The following PLPP4 variants were observed in gnomAD, a reference collection of about 807,000 sequenced individuals.
The protein encoded by PLPP4 is phospholipid phosphatase 4.
PLPP4 carries 20 observed loss-of-function variants against 32.2 expected under a neutral mutation model. The observed-to-expected ratio is 0.62, with a 90% CI of 0.44 to 0.90. PLPP4 has a LOEUF of 0.90. Among genes scored for constraint, PLPP4 ranks in the 40% least tolerant of loss-of-function variants. The pLI is 0.00. For missense variants in PLPP4, 257 were observed against 353.1 expected, an observed-to-expected ratio of 0.73 and a Z score of 2.18; for synonymous variants, 127 against 133.0, an observed-to-expected ratio of 0.95 and a Z score of 0.31.
At chr10:120,573,486 G>T (rs1849038336) in intron 5 of PLPP4, among the ~76,000 whole-genome samples, 1 of 152,028 alleles carries the variant, frequency 6.6e-6, no homozygotes, top group Admixed American at 6.5e-5. Context: ...ACAGTTTAGG[G>T]TCCTACTTGT....
intron 1 of PLPP4, among the ~76,000 whole-genome samples, chr10:120,476,791 C>A (rs1341854026): frequency 1.3e-5 from 2 of 152,176 alleles, no homozygotes; most frequent in African/African-American, 4.8e-5. Flanking sequence ...GGATGGGGTT[C>A]TCAGGGCACA....
At chr10:120,532,623 A>T (rs925599362) in intron 5 of PLPP4, among the ~76,000 whole-genome samples, 2 of 151,628 alleles carry the variant, frequency 1.3e-5, no homozygotes, top group Admixed American at 6.6e-5. Flanking sequence ...CTCTCCCTCC[A>T]CCTCTCCCCA....
chr10:120,517,258 C>A (rs1038197641), intron 3 of PLPP4, among the ~76,000 whole-genome samples: 1 of 152,190 alleles, frequency 6.6e-6, no homozygotes, highest in African/African-American at 2.4e-5. Context: ...GCGTGGCAGG[C>A]CAGCCCTAAC....
intron 1 of PLPP4, among the ~76,000 whole-genome samples, chr10:120,494,970 A>T (rs1411549192): frequency 1.1e-4 from 17 of 152,166 alleles, no homozygotes; most frequent in Non-Finnish European, 1.5e-5. Flanking sequence ...TGCAGATGCC[A>T]TTGAGCTGGT....
chr10:120,510,828 G>A (rs181876168), intron 2 of PLPP4, among the ~76,000 whole-genome samples: 67 of 152,290 alleles, frequency 4.4e-4, no homozygotes, highest in Admixed American at 2.0e-3. Flanking sequence ...CCTGATTCAC[G>A]GACTGTGCTG....
chr10:120,505,388 C>T (rs949637548), intron 2 of PLPP4, among the ~76,000 whole-genome samples: 19 of 152,188 alleles, frequency 1.2e-4, no homozygotes, highest in Non-Finnish European at 1.9e-4. Flanking sequence ...TGTTATGGAA[C>T]GATAATGTCA....
chr10:120,533,339 C>A (rs1378522709), intron 5 of PLPP4, among the ~76,000 whole-genome samples: 1 of 152,094 alleles, frequency 6.6e-6, no homozygotes, highest in African/African-American at 2.4e-5. Context: ...TATGCAAATC[C>A]TTTGCCCATT....
intron 5 of PLPP4, among the ~76,000 whole-genome samples, chr10:120,571,186 T>A (rs1217332233): frequency 2.0e-5 from 3 of 150,632 alleles, no homozygotes; most frequent in Non-Finnish European, 3.0e-5. Flanking sequence ...CCAGGACAAG[T>A]AGACTCTGAA....
intron 5 of PLPP4, among the ~76,000 whole-genome samples, chr10:120,550,872 A>T (rs1428876876): frequency 6.6e-6 from 1 of 152,080 alleles, no homozygotes; most frequent in African/African-American, 2.4e-5. Context: ...AACAGCACCA[A>T]TAATAGAAAA....
At chr10:120,513,177 C>T (rs565802394) in intron 2 of PLPP4, among the ~76,000 whole-genome samples, 40 of 152,208 alleles carry the variant, frequency 2.6e-4, no homozygotes, top group Non-Finnish European at 4.9e-4. Flanking sequence ...CCTAGCCTCG[C>T]CCCTCTCCAG....
At chr10:120,574,129 T>TACACACACACAC (rs751622346) in intron 5 of PLPP4, among the ~76,000 whole-genome samples, 31 of 56,990 alleles carry the variant, frequency 5.4e-4, no homozygotes, top group African/African-American at 1.3e-3. Flanking sequence ...ATCTGGGGAG[T>TACACACACACAC]ACACACACAC....
chr10:120,544,465 C>G (rs938828560), intron 5 of PLPP4, among the ~76,000 whole-genome samples: 2 of 152,158 alleles, frequency 1.3e-5, no homozygotes, highest in African/African-American at 4.8e-5. Flanking sequence ...GCCCTTCCTG[C>G]CCCGCAACAC....
chr10:120,538,007 TCTCTC>T (rs1847119326), intron 5 of PLPP4, among the ~76,000 whole-genome samples: 5 of 11,626 alleles, frequency 4.3e-4, no homozygotes, highest in African/African-American at 1.2e-3. Flanking sequence ...TCTCTCTCTC[TCTCTC>T]TCTCTCTCTC....
At chr10:120,540,390 T>A (rs1847281540) in intron 5 of PLPP4, among the ~76,000 whole-genome samples, 1 of 152,226 alleles carries the variant, frequency 6.6e-6, no homozygotes, top group African/African-American at 2.4e-5. Flanking sequence ...TCTCATTTAT[T>A]TAGTCACTTA....
chr10:120,581,798 A>G (rs1475816190), intron 6 of PLPP4, among the ~76,000 whole-genome samples: 2 of 151,928 alleles, frequency 1.3e-5, no homozygotes, highest in East Asian at 1.9e-4. Context: ...CCTTCCCCAC[A>G]TGCCATGTCC....
At position 120,590,255 on chromosome 10, in the gene PLPP4, C is replaced by T. The variant is rs1194797902; in HGVS notation, c.*753C>T. Among the ~76,000 whole-genome samples the T allele has an allele frequency of 6.6e-6, 1 of 152,202 alleles. No homozygotes were observed. The highest frequency in any genetic ancestry group is 1.5e-5 in the Non-Finnish European group (1 of 68,036). On this transcript the variant is annotated 3_prime_UTR_variant, in exon 7 of 7. Transcript: ENST00000398250. Reference sequence around the variant, plus strand: ...GCCACTTCTGTAGCTCTGCCTCATACAGTGAATTTTTGGGGCACGGGGGCT... The same window carrying T: ...GCCACTTCTGTAGCTCTGCCTCATATAGTGAATTTTTGGGGCACGGGGGCT...
intron 5 of PLPP4, among the ~76,000 whole-genome samples, chr10:120,530,323 T>G (rs998468122): frequency 2.7e-5 from 4 of 150,904 alleles, no homozygotes; most frequent in Non-Finnish European, 4.4e-5. Flanking sequence ...CTGTTCAGGG[T>G]TTTTTTTTGT....
intron 6 of PLPP4, chr10:120,581,141 C>A: frequency 1.0e-6 from 1 of 985,436 alleles, no homozygotes; most frequent in Non-Finnish European, 1.2e-6. Context: ...CCTCTTCCTG[C>A]CTCCAGGATA....
intron 4 of PLPP4, among the ~76,000 whole-genome samples, chr10:120,519,203 G>C (rs897797913): frequency 1.3e-5 from 2 of 152,082 alleles, no homozygotes; most frequent in African/African-American, 4.8e-5. Flanking sequence ...CCACTCACTT[G>C]TCAGTTTTGG....
Sources: allele counts gnomAD v4.1 joint callset (sites outside exome capture counted in the v4.1 genomes callset), GRCh38; gene constraint gnomAD v4.1.1; transcripts MANE v1.5; gene names NCBI Gene and HGNC (gene_info 2026-07-23, HGNC 2026-07-21).